Variants in KIAA0930 observed in about 807,000 individuals in gnomAD.
KIAA0930 encodes the protein uncharacterized protein KIAA0930.
Under a neutral mutation model 43.9 loss-of-function variants are expected in KIAA0930, and 24 were observed. That is an observed-to-expected ratio of 0.55 (90% CI 0.40 to 0.77). The LOEUF is 0.77. Ranked by LOEUF, KIAA0930 falls within the 30% of genes least tolerant of loss-of-function variation. The probability of loss-of-function intolerance (pLI) is 0.00; values close to 1 mark genes in which losing one functional copy is unlikely to be tolerated. For synonymous variants in KIAA0930, 259 were observed against 216.4 expected (o/e 1.20, Z -1.73); for missense variants, 461 against 574.2 (o/e 0.80, Z 2.02).
intron 1 of KIAA0930, among the ~76,000 whole-genome samples, chr22:45,223,501 C>A (rs918129184): frequency 1.3e-5 from 2 of 152,076 alleles, no homozygotes; most frequent in Non-Finnish European, 2.9e-5. Context: ...TATCTACCTC[C>A]TGGGTTGTTG....
At chr22:45,232,138 G>A (rs1601827470) in intron 1 of KIAA0930, among the ~76,000 whole-genome samples, 1 of 152,194 alleles carries the variant, frequency 6.6e-6, no homozygotes, top group South Asian at 2.1e-4. Flanking sequence ...ATCACTCTGA[G>A]GCCTGGTCCC....
In KIAA0930 at chr22:45,199,485, G is replaced by A. The variant is rs566832043; in HGVS notation, c.1015+388C>T. On this transcript the variant is annotated intron_variant, in intron 8 of 9. Coordinates refer to ENST00000336156, the MANE Select transcript of KIAA0930 (RefSeq NM_001009880.2). The stretch of plus-strand genomic sequence containing the variant: ...TGAGGGCGAGCTGGCCCAAGGCAGC[G>A]CAAGGGAGGGAAGCCCTCCTCTCTC... Among the ~76,000 whole-genome samples, 13 of 152,324 alleles carry A rather than the reference G, an allele frequency of 8.5e-5. No homozygotes were observed. The South Asian group carries it at 2.3e-3, about 27-fold the overall frequency.
rs753824996 is a variant in KIAA0930, at chr22:45,203,003, G to T, written c.839C>A (p.Pro280His). The T allele has an allele frequency of 6.2e-7, 1 of 1,609,570 alleles. No individual in the cohort carries two copies. The highest frequency in any genetic ancestry group is 8.5e-7 in the Non-Finnish European group (1 of 1,177,974). The stretch of plus-strand genomic sequence containing the variant: ...TGCAGCCCTTACCCGCTCGTGCATG[G>T]GCGAAGCTGGGCTGGAGTCCTCTTC... Reference protein sequence around the residue: ...GTEEDSSPASPMHERVTSFST... With the variant: ...GTEEDSSPASHMHERVTSFST... Residue 280 changes from proline to histidine, a missense_variant, in exon 7 of 10, where the codon CCC (proline) becomes CAC (histidine). Physicochemically the swap from Pro to His is moderately conservative, Grantham distance 77. Coordinates refer to ENST00000336156, the MANE Select transcript of KIAA0930 (RefSeq NM_001009880.2).
chr22:45,238,742 T>C (rs1269349572), intron 1 of KIAA0930, among the ~76,000 whole-genome samples: 1 of 151,896 alleles, frequency 6.6e-6, no homozygotes, highest in Non-Finnish European at 1.5e-5. Context: ...GGAAACAGCG[T>C]GAGTATCGTA....
At chr22:45,207,463 T>A (rs930527538) in intron 2 of KIAA0930, 2 of 149,798 alleles carry the variant, frequency 1.3e-5, no homozygotes, top group Admixed American at 6.8e-5. Context: ...CCTGGGATTA[T>A]AGGCGTCTGC....
intron 8 of KIAA0930, among the ~76,000 whole-genome samples, chr22:45,199,460 T>C (rs976390468): frequency 8.5e-5 from 13 of 152,170 alleles, no homozygotes; most frequent in African/African-American, 1.4e-4. Context: ...GGCCTCACCC[T>C]GAGGGCGAGC....
chr22:45,199,493 G>A (rs1748881626), intron 8 of KIAA0930, among the ~76,000 whole-genome samples: 1 of 152,182 alleles, frequency 6.6e-6, no homozygotes, highest in African/African-American at 2.4e-5. Context: ...GCGCAAGGGA[G>A]GGAAGCCCTC....
intron 2 of KIAA0930, among the ~76,000 whole-genome samples, chr22:45,209,538 G>A (rs758457144): frequency 1.1e-4 from 17 of 152,160 alleles, no homozygotes; most frequent in African/African-American, 3.6e-4. Context: ...TCCACGGGGC[G>A]TGTCCTCAGC....
At chr22:45,240,508 A>G (rs1179549701) in intron 1 of KIAA0930, 132 bp downstream of exon 1, 4 of 557,470 alleles carry the variant, frequency 7.2e-6, no homozygotes, top group African/African-American at 6.0e-5. Flanking sequence ...CAGGGTACCC[A>G]GGCAGACCCA....
At chr22:45,215,709 C>A (rs1033588957) in intron 1 of KIAA0930, among the ~76,000 whole-genome samples, 3 of 152,160 alleles carry the variant, frequency 2.0e-5, no homozygotes, top group African/African-American at 7.2e-5. Context: ...GTTGTAGACA[C>A]AATGATGACA....
chr22:45,232,573 C>G (rs780852422), intron 1 of KIAA0930, among the ~76,000 whole-genome samples: 1 of 152,170 alleles, frequency 6.6e-6, no homozygotes, highest in Non-Finnish European at 1.5e-5. Context: ...TAGGGCTAGG[C>G]TGGTTGAATT....
chr22:45,209,283 G>A (rs2083670963), intron 2 of KIAA0930, among the ~76,000 whole-genome samples: 1 of 151,614 alleles, frequency 6.6e-6, no homozygotes, highest in Non-Finnish European at 1.5e-5. Flanking sequence ...CGACTCCGCG[G>A]GTCCCCCACC....
chr22:45,198,050 G>A, intron 8 of KIAA0930, 102 bp from the exon 9 acceptor site: 2 of 1,193,002 alleles, frequency 1.7e-6, no homozygotes, highest in Non-Finnish European at 2.4e-6. Flanking sequence ...CTCTGCTGAG[G>A]CCAGGACGCT....
At chr22:45,203,560 G>A (rs1043268872) in intron 6 of KIAA0930, among the ~76,000 whole-genome samples, 2 of 152,146 alleles carry the variant, frequency 1.3e-5, no homozygotes, top group African/African-American at 2.4e-5. Flanking sequence ...AGGTGACAGC[G>A]ACACCATCAG....
intron 9 of KIAA0930, 107 bp from the exon 10 acceptor site, chr22:45,197,323 GCAT>G (rs927406250): frequency 1.9e-5 from 18 of 940,898 alleles, no homozygotes; most frequent in Non-Finnish European, 2.7e-5. Flanking sequence ...AGCCACTCAT[GCAT>G]CTCCTCTCCA....
rs746436121 is a variant in KIAA0930 at position 45,212,259 on chromosome 22, C to T, written c.65-152G>A. ...CCACCCTTCCCTCACCACTCCCGAC[C>T]CCCACCCATGGAGCATCCAGAGAGG... On this transcript the variant is annotated intron_variant, in intron 1 of 9. Coordinates refer to ENST00000336156, the MANE Select transcript of KIAA0930 (RefSeq NM_001009880.2). 4 of 1,612,862 alleles carry T rather than the reference C, an allele frequency of 2.5e-6. No individual in the cohort carries two copies. The African/African-American group carries it at 5.3e-5, about 22-fold the overall frequency.
chr22:45,229,055 A>C lies in KIAA0930; in HGVS notation c.64+11585T>G, dbSNP rs1254905388. Among the ~76,000 whole-genome samples, 6 of 20,464 alleles carry C rather than the reference A, an allele frequency of 2.9e-4. 1 individual carries two copies. Among genetic ancestry groups the C allele is most frequent in the Admixed American group, 2.0e-3 (3 of 1,506 alleles). The allele number at this position is 20,464 out of a possible 152,430, so 13.4% of individuals were successfully genotyped here. A position where few individuals can be genotyped will look rare whatever the true frequency, so the allele number is the denominator to read the frequency against. On this transcript the variant is annotated intron_variant, in intron 1 of 9. Transcript: ENST00000336156. ...TCCCTCTCCACCCCCCCACCACCAA[A>C]CACTCACCCGAAAGATCCCTCTCCA... is the stretch of plus-strand genomic sequence containing the variant.
chr22:45,210,826 C>CTGCCTGCCCGAGTGTGGCTCTAGTCCCT (rs1555898917), intron 2 of KIAA0930, among the ~76,000 whole-genome samples: 56 of 151,718 alleles, frequency 3.7e-4, no homozygotes, highest in South Asian at 1.0e-3. Flanking sequence ...CCTGCACACC[C>CTGCCTGCCCGAGTGTGGCTCTAGTCCCT]GCCACTGAAA....
In KIAA0930 at chr22:45,222,551, C is replaced by T. The variant is rs111385970; in HGVS notation, c.65-10444G>A. On this transcript the variant is annotated intron_variant, in intron 1 of 9. Transcript: ENST00000336156. The stretch of plus-strand genomic sequence containing the variant: ...CTCAAACTCCTGAGCTCAAGCAATC[C>T]GCTTGCCTTGGCCTCCCAAAGTGCT... 5.1e-4 allele frequency among the ~76,000 whole-genome samples: 78 copies of T among 152,008 alleles called. 1 individual carries two copies. Among genetic ancestry groups the T allele is most frequent in the African/African-American group, 1.8e-3 (73 of 41,456 alleles).
Sources: allele counts gnomAD v4.1 joint callset (sites outside exome capture counted in the v4.1 genomes callset), GRCh38; gene constraint gnomAD v4.1.1; transcripts MANE v1.5; gene names NCBI Gene and HGNC (gene_info 2026-07-23, HGNC 2026-07-21).